NKAIN2: variants seen among roughly 807,000 people sequenced by gnomAD.
NKAIN2 encodes sodium/potassium transporting ATPase interacting 2.
Under a neutral mutation model 32.6 loss-of-function variants are expected in NKAIN2, and 14 were observed. The ratio of observed to expected loss-of-function variants is 0.43; its 90% CI spans 0.28 to 0.67. NKAIN2 has a LOEUF of 0.67. NKAIN2 is among the 30% of genes least tolerant of loss of function. The pLI is 0.17. For synonymous variants in NKAIN2, 80 were observed against 87.2 expected, an observed-to-expected ratio of 0.92 and a Z score of 0.46; for missense variants, 198 against 258.3, an observed-to-expected ratio of 0.77 and a Z score of 1.60.
intron 1 of NKAIN2, among the ~76,000 whole-genome samples, chr6:123,989,081 G>A (rs1282956802): frequency 1.3e-5 from 2 of 152,130 alleles, no homozygotes; most frequent in Non-Finnish European, 2.9e-5. Context: ...CTACTGTGTA[G>A]TGGATTTTAA....
At chr6:124,338,906 C>G (rs950761730) in intron 2 of NKAIN2, among the ~76,000 whole-genome samples, 4 of 152,198 alleles carry the variant, frequency 2.6e-5, no homozygotes, top group African/African-American at 9.6e-5. Flanking sequence ...AGATATTACA[C>G]TCTTCAGCAT....
chr6:124,719,332 C>CAT (rs770419443), intron 4 of NKAIN2, among the ~76,000 whole-genome samples: 2 of 151,858 alleles, frequency 1.3e-5, no homozygotes, highest in African/African-American at 2.4e-5. Flanking sequence ...GACTATGGTA[C>CAT]ATTAAGTCCC....
intron 3 of NKAIN2, among the ~76,000 whole-genome samples, chr6:124,508,265 A>G (rs1778565763): frequency 6.6e-6 from 1 of 151,666 alleles, no homozygotes; most frequent in African/African-American, 2.4e-5. Flanking sequence ...TCAAAAAAAT[A>G]AAAACCAAAA....
intron 2 of NKAIN2, among the ~76,000 whole-genome samples, chr6:124,297,634 T>C (rs1356612727): frequency 2.0e-5 from 3 of 152,020 alleles, no homozygotes; most frequent in Non-Finnish European, 4.4e-5. Context: ...CCTTGGTTGC[T>C]GGTGAAGGAT....
At chr6:124,566,756 C>T (rs1397102204) in intron 3 of NKAIN2, among the ~76,000 whole-genome samples, 2 of 151,940 alleles carry the variant, frequency 1.3e-5, no homozygotes, top group Non-Finnish European at 2.9e-5. Flanking sequence ...AAGATGAGCT[C>T]CTAGGGTGAC....
rs530983776 is a variant in NKAIN2 at position 123,887,696 on chromosome 6, GA to G, written c.54+83443del. Among the ~76,000 whole-genome samples, 56 of 152,230 alleles carry G rather than the reference GA, an allele frequency of 3.7e-4. 1 individual carries two copies. The Middle Eastern group carries it at 0.014, about 37-fold the overall frequency. ...ACCAAAGATCTTCCATTTTCCTAATGAGACATCAGAAGTCCAGAAAATTTAT... is the reference window on the plus strand; with the variant it reads ...ACCAAAGATCTTCCATTTTCCTAATGGACATCAGAAGTCCAGAAAATTTAT... On this transcript the variant is annotated intron_variant, in intron 1 of 6. Coordinates refer to ENST00000368417, the MANE Select transcript of NKAIN2 (RefSeq NM_001040214.3).
At chr6:124,071,389 C>T (rs1436681513) in intron 1 of NKAIN2, among the ~76,000 whole-genome samples, 1 of 151,966 alleles carries the variant, frequency 6.6e-6, no homozygotes, top group Admixed American at 6.6e-5. Flanking sequence ...ACCCAGGAAA[C>T]ATCATTCTAG....
chr6:123,976,348 C>CATATATATATATATATATATATTCCCAT lies in NKAIN2; in HGVS notation c.54+172114_54+172115insATTCCCATATATATATATATATATATAT, dbSNP rs3039590. Among the ~76,000 whole-genome samples the CATATATATATATATATATATATTCCCAT allele has an allele frequency of 2.2e-3, 30 of 13,722 alleles. 6 individuals carry two copies. The highest frequency in any genetic ancestry group is 3.9e-3 in the Non-Finnish European group (26 of 6,642). The allele number at this position is 13,722 out of a possible 152,430, so 9.0% of individuals were successfully genotyped here. A position where few individuals can be genotyped will look rare whatever the true frequency, so the allele number is the denominator to read the frequency against. On this transcript the variant is annotated intron_variant, in intron 1 of 6. Coordinates refer to ENST00000368417, the MANE Select transcript of NKAIN2 (RefSeq NM_001040214.3). Reference sequence around the variant, plus strand: ...ATGTTCCCATATATATATATGTTCCCATATATATATATATATATATTCCCA... The same window carrying CATATATATATATATATATATATTCCCAT: ...ATGTTCCCATATATATATATGTTCCCATATATATATATATATATATATTCCCATATATATATATATATATATATTCCCA...
At chr6:123,955,640 T>TTTTA (rs1777542951) in intron 1 of NKAIN2, among the ~76,000 whole-genome samples, 3 of 63,818 alleles carry the variant, frequency 4.7e-5, no homozygotes, top group Admixed American at 1.5e-4. Context: ...ATTTTATTTT[T>TTTTA]TGAGACAGGG....
chr6:124,103,892 C>A (rs1276190517), intron 1 of NKAIN2, among the ~76,000 whole-genome samples: 2 of 152,064 alleles, frequency 1.3e-5, no homozygotes, highest in Non-Finnish European at 2.9e-5. Flanking sequence ...TCGAGACCAT[C>A]CTGGCTAACA....
intron 3 of NKAIN2, among the ~76,000 whole-genome samples, chr6:124,510,777 C>T (rs577328965): frequency 6.6e-6 from 1 of 152,170 alleles, no homozygotes; most frequent in Non-Finnish European, 1.5e-5. Flanking sequence ...TCTGGCTACT[C>T]AGAAAATGCA....
intron 3 of NKAIN2, among the ~76,000 whole-genome samples, chr6:124,561,858 T>C (rs1270612498): frequency 6.6e-6 from 1 of 152,238 alleles, no homozygotes; most frequent in Non-Finnish European, 1.5e-5. Context: ...CTGTCAGCTC[T>C]CTGGATAGCA....
intron 4 of NKAIN2, among the ~76,000 whole-genome samples, chr6:124,690,113 C>T (rs1312359976): frequency 1.3e-5 from 2 of 152,084 alleles, no homozygotes; most frequent in African/African-American, 4.8e-5. Context: ...TTATTTACTT[C>T]TTTGACATTT....
chr6:123,911,782 CAT>C (rs376952328), intron 1 of NKAIN2, among the ~76,000 whole-genome samples: 9,280 of 105,516 alleles, frequency 0.088, 916 homozygotes, highest in African/African-American at 0.18. Context: ...TACATACATA[CAT>C]ATATATATAT....
intron 1 of NKAIN2, among the ~76,000 whole-genome samples, chr6:124,267,501 AAGAG>A (rs1483214163): frequency 6.6e-6 from 1 of 151,518 alleles, no homozygotes; most frequent in Non-Finnish European, 1.5e-5. Flanking sequence ...AAAAAAAAAA[AAGAG>A]AAAGTATTTT....
At chr6:124,811,158 C>G (rs1031369773) in intron 5 of NKAIN2, among the ~76,000 whole-genome samples, 1 of 152,136 alleles carries the variant, frequency 6.6e-6, no homozygotes, top group Non-Finnish European at 1.5e-5. Context: ...TTCATAGGCC[C>G]TGTTAATTTC....
At chr6:123,872,402 G>A (rs1300190392) in intron 1 of NKAIN2, among the ~76,000 whole-genome samples, 1 of 152,230 alleles carries the variant, frequency 6.6e-6, no homozygotes, top group African/African-American at 2.4e-5. Flanking sequence ...TAGTCACTGG[G>A]TAATGGTGCC....
At chr6:123,812,262 A>T (rs1406975146) in intron 1 of NKAIN2, among the ~76,000 whole-genome samples, 1 of 152,214 alleles carries the variant, frequency 6.6e-6, no homozygotes, top group Non-Finnish European at 1.5e-5. Flanking sequence ...CTCCAGGCTA[A>T]TGATGCAGTC....
chr6:124,470,402 A>C (rs1035690524), intron 3 of NKAIN2, among the ~76,000 whole-genome samples: 1 of 152,142 alleles, frequency 6.6e-6, no homozygotes, highest in Non-Finnish European at 1.5e-5. Flanking sequence ...TGGAGGAATG[A>C]TGGGAGTGCT....
Sources: gnomAD v4.1 joint callset for allele counts (sites outside exome capture counted in the v4.1 genomes callset) on GRCh38, gnomAD v4.1.1 for gene constraint, MANE v1.5 for transcripts, NCBI Gene and HGNC (gene_info 2026-07-23, HGNC 2026-07-21) for gene names.